The following CTNND2 variants were observed in gnomAD, a reference collection of about 807,000 sequenced individuals.
CTNND2 encodes the protein catenin delta 2.
CTNND2 carries 22 observed loss-of-function variants against 144.4 expected under a neutral mutation model. The ratio of observed to expected loss-of-function variants is 0.15; its 90% CI spans 0.11 to 0.22. The LOEUF is 0.22. Ranked by LOEUF, CTNND2 falls within the 10% of genes least tolerant of loss-of-function variation. CTNND2 has a pLI of 1.00. For missense variants in CTNND2, 1,353 were observed against 1,618.8 expected (o/e 0.84, Z 2.82); for synonymous variants, 751 against 695.6 (o/e 1.08, Z -1.25).
intron 18 of CTNND2, among the ~76,000 whole-genome samples, chr5:10,996,937 A>C (rs1382825730): frequency 6.6e-6 from 1 of 152,126 alleles, no homozygotes; most frequent in Non-Finnish European, 1.5e-5. Context: ...GAGGGAAAAG[A>C]AATGGGAGGT....
chr5:11,305,117 G>A (rs796232185), intron 9 of CTNND2, among the ~76,000 whole-genome samples: 4 of 152,316 alleles, frequency 2.6e-5, no homozygotes, highest in African/African-American at 7.2e-5. Flanking sequence ...AGGTGCTAAT[G>A]TAGCTCTTAC....
chr5:11,654,447 C>T (rs1782807311), intron 2 of CTNND2, among the ~76,000 whole-genome samples: 1 of 151,916 alleles, frequency 6.6e-6, no homozygotes, highest in East Asian at 1.9e-4. Context: ...TCTTTCTCCT[C>T]TTTAAATTTA....
chr5:11,199,398 TG>T, intron 11 of CTNND2, 49 bp downstream of exon 11: 1 of 1,522,098 alleles, frequency 6.6e-7, no homozygotes, highest in Non-Finnish European at 9.1e-7. Context: ...TGTTGGATAA[TG>T]GAAAGTTTAT....
intron 2 of CTNND2, among the ~76,000 whole-genome samples, chr5:11,567,651 G>A (rs896355525): frequency 2.0e-5 from 3 of 152,082 alleles, no homozygotes; most frequent in Non-Finnish European, 4.4e-5. Flanking sequence ...TTTTATATCA[G>A]ACACTGATGA....
chr5:11,627,458 T>A (rs141013398), intron 2 of CTNND2, among the ~76,000 whole-genome samples: 2 of 152,224 alleles, frequency 1.3e-5, no homozygotes, highest in Non-Finnish European at 2.9e-5. Flanking sequence ...TTCTATAGTA[T>A]AACAAAATGT....
At chr5:11,019,473 T>C (rs986725928) in intron 17 of CTNND2, among the ~76,000 whole-genome samples, 1 of 152,236 alleles carries the variant, frequency 6.6e-6, no homozygotes, top group African/African-American at 2.4e-5. Flanking sequence ...AGTGTAGTTT[T>C]TGTTTCTATC....
Position 11,366,434 on chromosome 5 carries a change from A to G in CTNND2, c.1178-1544T>C, listed in dbSNP as rs901033383. On this transcript the variant is annotated intron_variant, in intron 7 of 21. Transcript: ENST00000304623. Reference sequence around the variant, plus strand: ...GGACAGGGCAGGCAAGTTCCTTACCATTCTCTTTGCTGGTAATTAAATTCT... The same window carrying G: ...GGACAGGGCAGGCAAGTTCCTTACCGTTCTCTTTGCTGGTAATTAAATTCT... Among the ~76,000 whole-genome samples, 3 of 152,176 alleles carry G rather than the reference A, an allele frequency of 2.0e-5. No individual in the cohort carries two copies. In the South Asian group the frequency reaches 6.2e-4, roughly 32 times the overall value.
chr5:11,766,092 A>T (rs1253259864), intron 1 of CTNND2, among the ~76,000 whole-genome samples: 1 of 152,204 alleles, frequency 6.6e-6, no homozygotes, highest in Non-Finnish European at 1.5e-5. Context: ...CTCATGTTAG[A>T]CATGATTTTT....
intron 1 of CTNND2, among the ~76,000 whole-genome samples, chr5:11,773,378 A>G (rs1028427455): frequency 3.3e-5 from 5 of 152,262 alleles, no homozygotes; most frequent in African/African-American, 1.2e-4. Flanking sequence ...TTTAATAAGT[A>G]CAATAGTCAA....
chr5:11,586,948 A>T (rs1778908791), intron 2 of CTNND2, among the ~76,000 whole-genome samples: 1 of 152,174 alleles, frequency 6.6e-6, no homozygotes, highest in Non-Finnish European at 1.5e-5. Context: ...GATTAAAAAA[A>T]AGTAAGTGTT....
At chr5:11,065,260 T>C (rs376641972) in intron 16 of CTNND2, among the ~76,000 whole-genome samples, 1 of 152,220 alleles carries the variant, frequency 6.6e-6, no homozygotes, top group African/African-American at 2.4e-5. Flanking sequence ...TGATTATAAG[T>C]ATGAGGTCAC....
intron 2 of CTNND2, among the ~76,000 whole-genome samples, chr5:11,636,768 T>C (rs904461841): frequency 6.6e-6 from 1 of 152,174 alleles, no homozygotes; most frequent in Non-Finnish European, 1.5e-5. Flanking sequence ...TATTTATCAA[T>C]ACGCACAGAG....
intron 14 of CTNND2, among the ~76,000 whole-genome samples, chr5:11,103,191 T>C (rs1752089052): frequency 6.6e-6 from 1 of 151,372 alleles, no homozygotes; most frequent in African/African-American, 2.4e-5. Flanking sequence ...CATGTTGGCC[T>C]GGCTGGTCTT....
intron 15 of CTNND2, among the ~76,000 whole-genome samples, chr5:11,091,761 T>G (rs1357603887): frequency 6.6e-6 from 1 of 152,214 alleles, no homozygotes; most frequent in African/African-American, 2.4e-5. Context: ...TGAGATTTTC[T>G]TCTCTGGCTC....
chr5:11,513,094 C>T (rs1198970047), intron 3 of CTNND2, among the ~76,000 whole-genome samples: 1 of 152,106 alleles, frequency 6.6e-6, no homozygotes, highest in Non-Finnish European at 1.5e-5. Context: ...TAGTCTGCAT[C>T]AGAGCCCCAC....
chr5:11,612,431 G>A (rs1375770777), intron 2 of CTNND2, among the ~76,000 whole-genome samples: 1 of 152,092 alleles, frequency 6.6e-6, no homozygotes, highest in African/African-American at 2.4e-5. Context: ...GCCTAAATAA[G>A]CAGATTTATG....
At chr5:11,210,321 C>A (rs1303102982) in intron 10 of CTNND2, among the ~76,000 whole-genome samples, 1 of 152,104 alleles carries the variant, frequency 6.6e-6, no homozygotes, top group African/African-American at 2.4e-5. Flanking sequence ...TCATTTGAGC[C>A]CAGGGGGCAG....
At chr5:11,395,388 A>G (rs1461690064) in intron 6 of CTNND2, among the ~76,000 whole-genome samples, 1 of 152,244 alleles carries the variant, frequency 6.6e-6, no homozygotes, top group Non-Finnish European at 1.5e-5. Flanking sequence ...GTGAATTAGA[A>G]CATTTCAACT....
chr5:11,041,700 C>A (rs1450795491), intron 16 of CTNND2, among the ~76,000 whole-genome samples: 1 of 152,124 alleles, frequency 6.6e-6, no homozygotes, highest in Non-Finnish European at 1.5e-5. Context: ...AAACAAATTG[C>A]ATGAGGCTTT....
Sources: allele counts gnomAD v4.1 joint callset (sites outside exome capture counted in the v4.1 genomes callset), GRCh38; gene constraint gnomAD v4.1.1; transcripts MANE v1.5; gene names NCBI Gene and HGNC (gene_info 2026-07-23, HGNC 2026-07-21).